Variants in ANKS1B observed in about 807,000 individuals in gnomAD.
The protein encoded by ANKS1B is ankyrin repeat and sterile alpha motif domain containing 1B.
Under a neutral mutation model 148.3 loss-of-function variants are expected in ANKS1B, and 36 were observed. The ratio of observed to expected loss-of-function variants is 0.24; its 90% CI spans 0.19 to 0.32. The LOEUF (loss-of-function observed/expected upper bound fraction) is 0.32, where lower values mean the gene tolerates loss of function less well. ANKS1B is among the 10% of genes least tolerant of loss of function. ANKS1B has a pLI of 1.00. For missense variants in ANKS1B, 1,157 were observed against 1,542.6 expected (o/e 0.75, Z 4.19); for synonymous variants, 542 against 560.8 (o/e 0.97, Z 0.47).
At chr12:98,901,701 G>GT (rs1294493743) in intron 17 of ANKS1B, among the ~76,000 whole-genome samples, 4 of 152,054 alleles carry the variant, frequency 2.6e-5, no homozygotes, top group Non-Finnish European at 4.4e-5. Flanking sequence ...AAGAGTGTCT[G>GT]TGGGGACTCA....
At chr12:98,813,444 T>C (rs1336110337) in intron 19 of ANKS1B, among the ~76,000 whole-genome samples, 2 of 151,736 alleles carry the variant, frequency 1.3e-5, no homozygotes, top group African/African-American at 4.8e-5. Flanking sequence ...CTTGAACTCC[T>C]GGGCTCAAGC....
At chr12:98,939,708 T>C (rs1406817652) in intron 17 of ANKS1B, among the ~76,000 whole-genome samples, 2 of 152,234 alleles carry the variant, frequency 1.3e-5, no homozygotes, top group Non-Finnish European at 2.9e-5. Context: ...AATTCCCTGG[T>C]GTTCAAATTG....
chr12:98,901,601 G>A (rs1253921279), intron 17 of ANKS1B, among the ~76,000 whole-genome samples: 1 of 152,200 alleles, frequency 6.6e-6, no homozygotes, highest in African/African-American at 2.4e-5. Context: ...CCAATATGTA[G>A]AGAGCAGGGT....
chr12:99,811,029 A>G (rs899411666), intron 3 of ANKS1B, among the ~76,000 whole-genome samples: 1 of 151,954 alleles, frequency 6.6e-6, no homozygotes, highest in Admixed American at 6.6e-5. Context: ...CATTCTTATT[A>G]AAATTTCTGC....
At chr12:98,892,850 C>T (rs576551896) in intron 17 of ANKS1B, among the ~76,000 whole-genome samples, 36 of 152,208 alleles carry the variant, frequency 2.4e-4, no homozygotes, top group African/African-American at 8.2e-4. Flanking sequence ...GGTTGTCTCC[C>T]GTTTCTACAC....
intron 8 of ANKS1B, among the ~76,000 whole-genome samples, chr12:99,756,919 T>C (rs2061622204): frequency 6.6e-6 from 1 of 152,082 alleles, no homozygotes; most frequent in Admixed American, 6.6e-5. Flanking sequence ...ACTGTACCCC[T>C]TCCTCATACC....
At chr12:99,265,914 T>C (rs1375740673) in intron 12 of ANKS1B, among the ~76,000 whole-genome samples, 1 of 152,218 alleles carries the variant, frequency 6.6e-6, no homozygotes, top group African/African-American at 2.4e-5. Flanking sequence ...TTCAATCCAC[T>C]TCACTTTGCC....
chr12:99,767,708 A>G (rs368625373), intron 8 of ANKS1B, among the ~76,000 whole-genome samples: 2 of 152,278 alleles, frequency 1.3e-5, no homozygotes, highest in African/African-American at 4.8e-5. Context: ...AATTCAACTT[A>G]GAAAATGGTT....
chr12:99,071,104 A>G (rs1186370545), intron 16 of ANKS1B, among the ~76,000 whole-genome samples: 1 of 152,174 alleles, frequency 6.6e-6, no homozygotes, highest in Non-Finnish European at 1.5e-5. Context: ...TTTTACTCCT[A>G]TTATAGCTTG....
rs142171979 is a variant in ANKS1B at position 99,910,995 on chromosome 12, A to G, written c.134+73109T>C. Among the ~76,000 whole-genome samples, 469 of 152,346 alleles carry G rather than the reference A, an allele frequency of 3.1e-3. 3 individuals are homozygous for G. Among genetic ancestry groups the G allele is most frequent in the African/African-American group, 0.011 (437 of 41,578 alleles). Reference sequence around the variant, plus strand: ...ACGTAATCTTATTAAAACCTTACAAAGTCACCAAATAATAGAGTCTGTTAC... The same window carrying G: ...ACGTAATCTTATTAAAACCTTACAAGGTCACCAAATAATAGAGTCTGTTAC... On this transcript the variant is annotated intron_variant, in intron 1 of 26. Coordinates refer to ENST00000683438, the MANE Select transcript of ANKS1B (RefSeq NM_001352186.2).
intron 7 of ANKS1B, among the ~76,000 whole-genome samples, chr12:99,774,825 A>T (rs2063507105): frequency 8.4e-6 from 1 of 118,600 alleles, no homozygotes; most frequent in Admixed American, 9.1e-5. Context: ...ATTCAGCCTT[A>T]AAAAAGGAGA....
chr12:99,029,529 G>A (rs760849470), intron 17 of ANKS1B, among the ~76,000 whole-genome samples: 18 of 152,190 alleles, frequency 1.2e-4, no homozygotes, highest in Admixed American at 4.6e-4. Flanking sequence ...TCCTTCAACA[G>A]CACAATCTAC....
chr12:99,397,019 T>C (rs568267548), intron 12 of ANKS1B, among the ~76,000 whole-genome samples: 48 of 152,186 alleles, frequency 3.2e-4, no homozygotes, highest in African/African-American at 1.1e-3. Context: ...CAGGTCCACA[T>C]ACCACTATTT....
chr12:99,158,048 T>C (rs2076259608), intron 14 of ANKS1B, among the ~76,000 whole-genome samples: 1 of 151,790 alleles, frequency 6.6e-6, no homozygotes, highest in South Asian at 2.1e-4. Flanking sequence ...TGGGAGAGGA[T>C]GGGGTGAGGA....
intron 17 of ANKS1B, among the ~76,000 whole-genome samples, chr12:99,039,130 A>T (rs1388933737): frequency 6.6e-6 from 1 of 152,226 alleles, no homozygotes; most frequent in African/African-American, 2.4e-5. Context: ...ACTTCTTCAT[A>T]TGTCGTCTTC....
chr12:99,461,059 T>C (rs2095955828), intron 10 of ANKS1B, among the ~76,000 whole-genome samples: 1 of 150,458 alleles, frequency 6.6e-6, no homozygotes. Flanking sequence ...TATATATATA[T>C]ATATATACAC....
At chr12:99,610,302 A>G (rs2097890159) in intron 9 of ANKS1B, among the ~76,000 whole-genome samples, 1 of 152,096 alleles carries the variant, frequency 6.6e-6, no homozygotes. Flanking sequence ...GAGTAGGGAA[A>G]TGCAGTAAGG....
intron 6 of ANKS1B, among the ~76,000 whole-genome samples, chr12:99,777,792 G>A (rs2063809734): frequency 6.6e-6 from 1 of 151,190 alleles, no homozygotes; most frequent in African/African-American, 2.4e-5. Flanking sequence ...CACCGTGTTA[G>A]CCGGGATGGT....
chr12:99,393,141 T>G, intron 12 of ANKS1B, among the ~76,000 whole-genome samples: 1 of 132,752 alleles, frequency 7.5e-6, no homozygotes, highest in African/African-American at 3.4e-5. Flanking sequence ...CAGATAGATC[T>G]ACCTTTAACA....
Sources: gnomAD v4.1 joint callset for allele counts (sites outside exome capture counted in the v4.1 genomes callset) on GRCh38, gnomAD v4.1.1 for gene constraint, MANE v1.5 for transcripts, NCBI Gene and HGNC (gene_info 2026-07-23, HGNC 2026-07-21) for gene names.